Variants in ELP4 observed in about 807,000 individuals in gnomAD.
The protein encoded by ELP4 is elongator acetyltransferase complex subunit 4.
ELP4 carries 51 observed loss-of-function variants against 48.9 expected under a neutral mutation model. The ratio of observed to expected loss-of-function variants is 1.04; its 90% CI spans 0.83 to 1.32. The LOEUF (loss-of-function observed/expected upper bound fraction) is 1.32. Ranked by LOEUF, ELP4 falls within the 40% of genes most tolerant of loss-of-function variation. The pLI is 0.00. For missense variants in ELP4, 519 were observed against 514.6 expected (o/e 1.01, Z -0.08); for synonymous variants, 210 against 189.2 (o/e 1.11, Z -0.90).
chr11:31,721,155 G>C (rs1448736316), intron 9 of ELP4, among the ~76,000 whole-genome samples: 1 of 152,158 alleles, frequency 6.6e-6, no homozygotes, highest in Non-Finnish European at 1.5e-5. Context: ...TTGTGTGGTT[G>C]AATGCCATCC....
chr11:31,586,710 C>T (rs1957479731), intron 3 of ELP4, among the ~76,000 whole-genome samples: 1 of 151,820 alleles, frequency 6.6e-6, no homozygotes, highest in Admixed American at 6.6e-5. Context: ...GGCGCAATCT[C>T]GGCTCGCTGC....
At chr11:31,613,991 A>G (rs1332023549) in intron 5 of ELP4, among the ~76,000 whole-genome samples, 1 of 152,128 alleles carries the variant, frequency 6.6e-6, no homozygotes, top group Non-Finnish European at 1.5e-5. Context: ...GATTACAGGC[A>G]TGAGCCACCG....
chr11:31,754,323 C>T (rs1310485056), intron 9 of ELP4, among the ~76,000 whole-genome samples: 2 of 152,136 alleles, frequency 1.3e-5, no homozygotes, highest in Non-Finnish European at 2.9e-5. Flanking sequence ...CTCTGACTTA[C>T]AAAGCTCCTG....
At chr11:31,568,888 C>A (rs770566877) in intron 3 of ELP4, among the ~76,000 whole-genome samples, 8 of 152,054 alleles carry the variant, frequency 5.3e-5, no homozygotes, top group African/African-American at 1.9e-4. Context: ...AGTTCAAGAC[C>A]AGCCTGGCCA....
At chr11:31,727,279 T>A (rs1418685816) in intron 9 of ELP4, among the ~76,000 whole-genome samples, 1 of 152,094 alleles carries the variant, frequency 6.6e-6, no homozygotes, top group Non-Finnish European at 1.5e-5. Flanking sequence ...ATGTGTTTGA[T>A]TATGAAAGGA....
chr11:31,744,143 A>C (rs1391789381), intron 9 of ELP4, among the ~76,000 whole-genome samples: 1 of 152,244 alleles, frequency 6.6e-6, no homozygotes, highest in Non-Finnish European at 1.5e-5. Context: ...AAAATCTGGA[A>C]GAAATGGATA....
chr11:31,598,924 A>T (rs1957728585), intron 4 of ELP4: 1 of 152,210 alleles, frequency 6.6e-6, no homozygotes, highest in South Asian at 2.1e-4. Flanking sequence ...CTACTAAAAG[A>T]TTACTTTACC....
In ELP4 at chr11:31,719,472, G is replaced by A. The variant is rs1257564328; in HGVS notation, c.1144-63921G>A. 3.5e-5 allele frequency: 14 copies of A among 398,096 alleles called. No homozygotes were observed. In the East Asian group the frequency reaches 5.0e-4, roughly 14 times the overall value. 24.7% of individuals were successfully genotyped at this position (398,096 alleles called of 1,614,324 possible). ...AATAATGAAATTTCTCATTTTATTAGGATTGGAGGAAGAGTCTGTGGTCTT... is the reference window on the plus strand; with the variant it reads ...AATAATGAAATTTCTCATTTTATTAAGATTGGAGGAAGAGTCTGTGGTCTT... On this transcript the variant is annotated intron_variant, in intron 9 of 9. Transcript: ENST00000640961.
In ELP4 at chr11:31,534,027, C is replaced by T. The variant is rs114650765; in HGVS notation, c.260-5635C>T. Among the ~76,000 whole-genome samples the T allele has an allele frequency of 9.5e-3, 1,403 of 147,644 alleles. 25 individuals are homozygous for T. The highest frequency in any genetic ancestry group is 0.034 in the African/African-American group (1,351 of 40,080). ...ATGTTTTTGTATTTTTTACTAGAGA[C>T]GGGTTTCACCATGTTAGCCAGGATG... is the stretch of plus-strand genomic sequence containing the variant. On this transcript the variant is annotated intron_variant, in intron 2 of 9. Transcript: ENST00000640961.
intron 9 of ELP4, among the ~76,000 whole-genome samples, chr11:31,674,069 T>C (rs964099387): frequency 6.6e-6 from 1 of 152,232 alleles, no homozygotes; most frequent in Non-Finnish European, 1.5e-5. Flanking sequence ...AACCAAATTA[T>C]GACCTTTGGA....
chr11:31,628,045 C>T (rs1389672436), intron 6 of ELP4, among the ~76,000 whole-genome samples: 1 of 151,868 alleles, frequency 6.6e-6, no homozygotes, highest in Non-Finnish European at 1.5e-5. Flanking sequence ...TTTTGATTGC[C>T]AGTTTAATTG....
chr11:31,543,803 C>G (rs191068038), intron 3 of ELP4, among the ~76,000 whole-genome samples: 2 of 152,042 alleles, frequency 1.3e-5, no homozygotes, highest in Admixed American at 6.6e-5. Context: ...AAGAAAAACA[C>G]GTTATCAATT....
intron 3 of ELP4, among the ~76,000 whole-genome samples, chr11:31,572,058 T>C (rs369107844): frequency 2.0e-3 from 304 of 152,336 alleles, no homozygotes; most frequent in African/African-American, 7.0e-3. Context: ...GAGCTAGGCA[T>C]TGACTTCTCT....
chr11:31,699,659 A>G (rs767175932), intron 9 of ELP4, among the ~76,000 whole-genome samples: 9 of 152,282 alleles, frequency 5.9e-5, no homozygotes, highest in African/African-American at 2.2e-4. Context: ...TAATCTCAGA[A>G]TATCTCCCTT....
intron 9 of ELP4, among the ~76,000 whole-genome samples, chr11:31,775,933 C>G (rs1948236293): frequency 6.6e-6 from 1 of 151,948 alleles, no homozygotes; most frequent in South Asian, 2.1e-4. Flanking sequence ...CCATTGCACT[C>G]AAGCCTGGAT....
chr11:31,635,101 C>G (rs761475622), intron 7 of ELP4, among the ~76,000 whole-genome samples: 1 of 151,866 alleles, frequency 6.6e-6, no homozygotes, highest in Non-Finnish European at 1.5e-5. Context: ...AAATATAAAA[C>G]TTGTACTTGT....
chr11:31,737,645 A>G (rs1192514574), intron 9 of ELP4, among the ~76,000 whole-genome samples: 5 of 152,208 alleles, frequency 3.3e-5, no homozygotes, highest in African/African-American at 4.8e-5. Flanking sequence ...CAAACAGATA[A>G]ATAACCCAAT....
intron 9 of ELP4, among the ~76,000 whole-genome samples, chr11:31,670,011 C>G (rs989860505): frequency 3.3e-5 from 5 of 152,124 alleles, no homozygotes; most frequent in Non-Finnish European, 7.4e-5. Flanking sequence ...TCCTTCTTCA[C>G]ACAACTCATC....
chr11:31,517,704 CCTCCTGGGTTCAAGCAATT>C (rs1245081795), intron 1 of ELP4, among the ~76,000 whole-genome samples: 1 of 151,640 alleles, frequency 6.6e-6, no homozygotes, highest in East Asian at 2.0e-4. Flanking sequence ...GCAACCTCCC[CCTCCTGGGTTCAAGCAATT>C]CTCCTGCCTC....
Sources: allele counts gnomAD v4.1 joint callset (sites outside exome capture counted in the v4.1 genomes callset), GRCh38; gene constraint gnomAD v4.1.1; transcripts MANE v1.5; gene names NCBI Gene and HGNC (gene_info 2026-07-23, HGNC 2026-07-21).